The following DPF3 variants were observed in gnomAD, a reference collection of about 807,000 sequenced individuals.
DPF3 encodes the protein double PHD fingers 3.
A neutral mutation model predicts 56.8 loss-of-function variants in DPF3; 18 were observed. That is an observed-to-expected ratio of 0.32 (90% CI 0.22 to 0.47). The LOEUF (loss-of-function observed/expected upper bound fraction) is 0.47. DPF3 is among the 20% of genes least tolerant of loss of function. The pLI is 1.00. For synonymous variants in DPF3, 188 were observed against 180.2 expected (o/e 1.04, Z -0.35); for missense variants, 403 against 488.8 (o/e 0.82, Z 1.65).
At chr14:72,731,614 A>C (rs190398466) in intron 4 of DPF3, 193 bp downstream of exon 4, 6 of 699,172 alleles carry the variant, frequency 8.6e-6, no homozygotes, top group African/African-American at 7.2e-5. Flanking sequence ...GGTGAAGGCA[A>C]TAATGACTCC....
At chr14:72,663,973 C>G (rs909955197) in intron 8 of DPF3, among the ~76,000 whole-genome samples, 1 of 152,050 alleles carries the variant, frequency 6.6e-6, no homozygotes, top group Non-Finnish European at 1.5e-5. Flanking sequence ...GTCCTCCCTC[C>G]ACACCTGCTC....
chr14:72,719,719 T>A (rs1179576170), intron 5 of DPF3, among the ~76,000 whole-genome samples: 1 of 152,182 alleles, frequency 6.6e-6, no homozygotes, highest in Non-Finnish European at 1.5e-5. Context: ...ATACCCATTA[T>A]CAAAATTCCA....
chr14:72,707,978 A>C (rs1469153263), intron 6 of DPF3, among the ~76,000 whole-genome samples: 1 of 152,174 alleles, frequency 6.6e-6, no homozygotes, highest in East Asian at 1.9e-4. Flanking sequence ...AATAATGAAA[A>C]GCACCTCTAC....
chr14:72,671,403 A>C, intron 8 of DPF3: 4 of 1,579,758 alleles, frequency 2.5e-6, no homozygotes, highest in East Asian at 2.2e-5. Context: ...TAATATTCTC[A>C]TTACATTATT....
chr14:72,835,216 C>T (rs1229618313), intron 1 of DPF3, among the ~76,000 whole-genome samples: 4 of 152,084 alleles, frequency 2.6e-5, no homozygotes, highest in South Asian at 2.1e-4. Context: ...TACAGGTGCA[C>T]GCCACCATGC....
rs147213143 is a variant in DPF3, at chr14:72,789,801, G to T, written c.33-17908C>A. ...ACCTGCCTCAGCTTCCCAAAGTGCT[G>T]CTGGGATTACAGGCATGAGCCTGGG... On this transcript the variant is annotated intron_variant, in intron 1 of 10. Coordinates refer to ENST00000556509, the MANE Select transcript of DPF3 (RefSeq NM_001280542.3). Among the ~76,000 whole-genome samples, 1,369 of 152,142 alleles carry T rather than the reference G, an allele frequency of 9.0e-3. 15 individuals are homozygous for T. The highest frequency in any genetic ancestry group is 0.024 in the South Asian group (114 of 4,816).
chr14:72,661,081 C>T (rs1886193426), intron 8 of DPF3: 1 of 985,484 alleles, frequency 1.0e-6, no homozygotes, highest in South Asian at 4.7e-5. Flanking sequence ...TTAACAGAAA[C>T]TTACACACAC....
chr14:72,652,809 A>G (rs1355787265), intron 8 of DPF3, among the ~76,000 whole-genome samples: 1 of 152,188 alleles, frequency 6.6e-6, no homozygotes, highest in African/African-American at 2.4e-5. Flanking sequence ...AAATATTACA[A>G]TCTGAAGGCA....
intron 6 of DPF3, among the ~76,000 whole-genome samples, chr14:72,705,624 A>G (rs1368584072): frequency 3.3e-5 from 5 of 151,900 alleles, no homozygotes; most frequent in Admixed American, 2.0e-4. Context: ...TGTGCCCCCA[A>G]TCTCCCTACC....
intron 3 of DPF3, among the ~76,000 whole-genome samples, chr14:72,740,579 G>T (rs1009314987): frequency 6.6e-6 from 1 of 152,326 alleles, no homozygotes; most frequent in African/African-American, 2.4e-5. Context: ...AAGTGGAGAG[G>T]CTGGTGTCAA....
chr14:72,618,605 A>G lies in DPF3; in HGVS notation c.*692T>C, dbSNP rs894274457. ...CTGGCTATGGCGGGGCCTTGGCACC[A>G]TTTCCACAATGTTTCCTCCCATGTC... On this transcript the variant is annotated 3_prime_UTR_variant, in exon 11 of 11. Transcript: ENST00000556509. 6.6e-6 allele frequency among the ~76,000 whole-genome samples: 1 copy of G among 152,042 alleles called. No homozygotes were observed. Among genetic ancestry groups the G allele is most frequent in the Non-Finnish European group, 1.5e-5 (1 of 68,004 alleles).
chr14:72,669,700 C>A (rs1038464627), intron 8 of DPF3, among the ~76,000 whole-genome samples: 5 of 152,276 alleles, frequency 3.3e-5, no homozygotes, highest in African/African-American at 1.2e-4. Context: ...ATTCTCCACA[C>A]TGAGCCCCTC....
chr14:72,836,782 A>C (rs980693377), intron 1 of DPF3, among the ~76,000 whole-genome samples: 26 of 151,970 alleles, frequency 1.7e-4, no homozygotes, highest in African/African-American at 6.0e-4. Context: ...AACCAAACAG[A>C]ACCTATTTCA....
chr14:72,646,711 T>C lies in DPF3; in HGVS notation c.872-16975A>G, dbSNP rs907235709. Among the ~76,000 whole-genome samples, 7 of 152,332 alleles carry C rather than the reference T, an allele frequency of 4.6e-5. No individual in the cohort carries two copies. The East Asian group carries it at 5.8e-4, about 13-fold the overall frequency. On this transcript the variant is annotated intron_variant, in intron 8 of 10. Coordinates refer to ENST00000556509, the MANE Select transcript of DPF3 (RefSeq NM_001280542.3). ...GCCCTCCTTGCCTCCATGCGGAATT[T>C]TTCCTTTGGAGAACAAGGACCTCAG...
At chr14:72,747,200 A>G (rs1369810725) in intron 3 of DPF3, among the ~76,000 whole-genome samples, 1 of 152,108 alleles carries the variant, frequency 6.6e-6, no homozygotes, top group Non-Finnish European at 1.5e-5. Flanking sequence ...TCTACCTTCC[A>G]GGGCTATGGT....
chr14:72,630,324 G>A (rs139183874), intron 8 of DPF3, among the ~76,000 whole-genome samples: 92 of 152,256 alleles, frequency 6.0e-4, no homozygotes, highest in African/African-American at 2.0e-3. Flanking sequence ...ACAGTACCAC[G>A]GACTACAGAA....
intron 1 of DPF3, among the ~76,000 whole-genome samples, chr14:72,846,131 G>T (rs964713624): frequency 1.6e-4 from 13 of 79,110 alleles, no homozygotes; most frequent in Non-Finnish European, 3.8e-4. Context: ...TATTTTATTT[G>T]AGACAGTCTC....
At chr14:72,834,308 C>G (rs549620831) in intron 1 of DPF3, among the ~76,000 whole-genome samples, 1 of 151,980 alleles carries the variant, frequency 6.6e-6, no homozygotes. Context: ...ACCAGCCTGG[C>G]CAATATGGTG....
intron 3 of DPF3, among the ~76,000 whole-genome samples, chr14:72,745,062 G>A (rs2139884645): frequency 7.1e-6 from 1 of 140,574 alleles, no homozygotes; most frequent in Admixed American, 7.1e-5. Context: ...TGGGAGGGAA[G>A]ATGAGGAAAA....
Sources: gnomAD v4.1 joint callset for allele counts (sites outside exome capture counted in the v4.1 genomes callset) on GRCh38, gnomAD v4.1.1 for gene constraint, MANE v1.5 for transcripts, NCBI Gene and HGNC (gene_info 2026-07-23, HGNC 2026-07-21) for gene names.